RAD51B: variants seen among roughly 807,000 people sequenced by gnomAD.
RAD51B encodes the protein RAD51 paralog B.
Under a neutral mutation model 42.2 loss-of-function variants are expected in RAD51B, and 38 were observed. The observed-to-expected ratio is 0.90, with a 90% confidence interval of 0.70 to 1.18. The LOEUF (loss-of-function observed/expected upper bound fraction) is 1.18, where lower values mean the gene tolerates loss of function less well. RAD51B is among the 50% of genes most tolerant of loss of function. The pLI is 0.00. For missense variants in RAD51B, 373 were observed against 400.7 expected, an observed-to-expected ratio of 0.93 and a Z score of 0.59; for synonymous variants, 154 against 145.2, an observed-to-expected ratio of 1.06 and a Z score of -0.43.
chr14:67,951,229 C>T (rs1176753560), intron 7 of RAD51B, among the ~76,000 whole-genome samples: 1 of 152,106 alleles, frequency 6.6e-6, no homozygotes, highest in Non-Finnish European at 1.5e-5. Flanking sequence ...TGAGGTATGC[C>T]TGTACGTAGT....
At chr14:68,289,235 A>G (rs2081470866) in intron 7 of RAD51B, among the ~76,000 whole-genome samples, 2 of 152,178 alleles carry the variant, frequency 1.3e-5, no homozygotes, top group African/African-American at 4.8e-5. Context: ...GCTTCTATTT[A>G]TTGAATATTT....
chr14:68,531,228 A>G (rs965465360), intron 10 of RAD51B, among the ~76,000 whole-genome samples: 1 of 152,100 alleles, frequency 6.6e-6, no homozygotes, highest in African/African-American at 2.4e-5. Flanking sequence ...AAAGAAAATA[A>G]ATAGAAAACT....
chr14:68,585,382 G>A (rs996033859), intron 10 of RAD51B, among the ~76,000 whole-genome samples: 5 of 152,204 alleles, frequency 3.3e-5, no homozygotes, highest in African/African-American at 1.2e-4. Context: ...TTCCATTGTG[G>A]AAGTGCAGAG....
intron 5 of RAD51B, among the ~76,000 whole-genome samples, chr14:67,874,366 T>C (rs1268136691): frequency 6.6e-6 from 1 of 152,188 alleles, no homozygotes; most frequent in Non-Finnish European, 1.5e-5. Context: ...AGGATGGCTT[T>C]GAATGTGGCC....
intron 7 of RAD51B, among the ~76,000 whole-genome samples, chr14:67,956,009 C>A (rs2074539199): frequency 6.6e-6 from 1 of 152,076 alleles, no homozygotes; most frequent in African/African-American, 2.4e-5. Context: ...CTTTAGGTAG[C>A]TTTTTGACAC....
Position 68,158,533 on chromosome 14 carries a change from G to A in RAD51B, c.757-133351G>A, listed in dbSNP as rs77525327. Among the ~76,000 whole-genome samples, 696 of 152,226 alleles carry A rather than the reference G, an allele frequency of 4.6e-3. 6 individuals carry two copies. The highest frequency in any genetic ancestry group is 0.016 in the African/African-American group (682 of 41,522). ...GTGAATCTACAAAGTGAACTTTAACGTCAGTCAGTTAATATACTTTAACAC... is the reference window on the plus strand; with the variant it reads ...GTGAATCTACAAAGTGAACTTTAACATCAGTCAGTTAATATACTTTAACAC... On this transcript the variant is annotated intron_variant, in intron 7 of 10. Transcript: ENST00000471583.
At chr14:68,582,537 T>G (rs551669116) in intron 10 of RAD51B, among the ~76,000 whole-genome samples, 4 of 152,158 alleles carry the variant, frequency 2.6e-5, no homozygotes, top group African/African-American at 9.7e-5. Flanking sequence ...GAAATAGGAA[T>G]GCTTTTACAC....
At chr14:68,585,736 A>G (rs2140067343) in intron 10 of RAD51B, among the ~76,000 whole-genome samples, 1 of 152,246 alleles carries the variant, frequency 6.6e-6, no homozygotes, top group East Asian at 1.9e-4. Context: ...ATAATGAGCC[A>G]CGTTGGAGAG....
chr14:68,187,696 A>G (rs80071512), intron 7 of RAD51B, among the ~76,000 whole-genome samples: 1 of 152,246 alleles, frequency 6.6e-6, no homozygotes, highest in South Asian at 2.1e-4. Context: ...AATTTTTTCA[A>G]TGCGTATATT....
At chr14:68,038,951 A>G (rs935919937) in intron 7 of RAD51B, among the ~76,000 whole-genome samples, 1 of 152,094 alleles carries the variant, frequency 6.6e-6, no homozygotes, top group African/African-American at 2.4e-5. Flanking sequence ...GGTGTATACT[A>G]TTGTATATCT....
At chr14:68,221,694 A>G (rs1245378029) in intron 7 of RAD51B, among the ~76,000 whole-genome samples, 6 of 152,266 alleles carry the variant, frequency 3.9e-5, no homozygotes, top group African/African-American at 1.4e-4. Flanking sequence ...ATGGGACTCA[A>G]TTAAACTAAA....
chr14:67,823,277 A>G (rs139728704), intron 1 of RAD51B, among the ~76,000 whole-genome samples: 10 of 152,352 alleles, frequency 6.6e-5, no homozygotes, highest in East Asian at 5.8e-4. Flanking sequence ...GTAAATATCA[A>G]TTAATTGTGT....
chr14:68,268,203 C>T (rs894545441), intron 7 of RAD51B, among the ~76,000 whole-genome samples: 1 of 152,166 alleles, frequency 6.6e-6, no homozygotes, highest in Non-Finnish European at 1.5e-5. Context: ...ATATCCAGGT[C>T]CTGCTTATTT....
intron 7 of RAD51B, among the ~76,000 whole-genome samples, chr14:68,258,394 C>G (rs887851803): frequency 1.1e-4 from 16 of 151,248 alleles, no homozygotes; most frequent in Non-Finnish European, 2.2e-4. Flanking sequence ...GACCCTGTCT[C>G]TATACACACA....
chr14:68,179,018 AGT>A (rs1254301783), intron 7 of RAD51B, among the ~76,000 whole-genome samples: 13 of 152,152 alleles, frequency 8.5e-5, no homozygotes, highest in African/African-American at 2.7e-4. Context: ...TGATTGTGGG[AGT>A]GTGTTTCTAT....
intron 10 of RAD51B, among the ~76,000 whole-genome samples, chr14:68,547,136 G>A (rs2140376842): frequency 6.6e-6 from 1 of 152,292 alleles, no homozygotes; most frequent in East Asian, 1.9e-4. Context: ...CTAACAAACA[G>A]CCCACACTTC....
chr14:68,141,767 A>G (rs2078134019), intron 7 of RAD51B, among the ~76,000 whole-genome samples: 1 of 152,238 alleles, frequency 6.6e-6, no homozygotes, highest in Admixed American at 6.5e-5. Context: ...TGAAATGAGT[A>G]TGTTAGATAA....
intron 7 of RAD51B, among the ~76,000 whole-genome samples, chr14:67,936,467 T>A (rs2044956456): frequency 6.6e-6 from 1 of 152,270 alleles, no homozygotes; most frequent in South Asian, 2.1e-4. Flanking sequence ...GTTGTATAGA[T>A]AGAACTCATT....
chr14:67,872,021 C>G (rs1012779852), intron 5 of RAD51B, among the ~76,000 whole-genome samples: 46 of 146,524 alleles, frequency 3.1e-4, no homozygotes, highest in African/African-American at 1.1e-3. Flanking sequence ...CCTTTGAAAA[C>G]TGGCACAAGA....
Sources: gnomAD v4.1 joint callset for allele counts (sites outside exome capture counted in the v4.1 genomes callset) on GRCh38, gnomAD v4.1.1 for gene constraint, MANE v1.5 for transcripts, NCBI Gene and HGNC (gene_info 2026-07-23, HGNC 2026-07-21) for gene names.